Variants in IBA57 observed in about 807,000 individuals in gnomAD.
IBA57 encodes iron-sulfur cluster assembly factor IBA57.
IBA57 carries 20 observed loss-of-function variants against 20.4 expected under a neutral mutation model. That is an observed-to-expected ratio of 0.98 (90% CI 0.69 to 1.42). IBA57 has a LOEUF of 1.42. Among genes scored for constraint, IBA57 ranks in the 40% most tolerant of loss-of-function variants. IBA57 has a pLI of 0.00. For missense variants in IBA57, 608 were observed against 499.3 expected (o/e 1.22, Z -2.07); for synonymous variants, 310 against 233.9 (o/e 1.33, Z -2.97).
chr1:228,175,602 G>T lies in IBA57; in HGVS notation c.*89G>T. ...CAGGGTCTTCCCGTCCCATCTGTCT[G>T]CTGCGCCTACTGGGTGGGAGCCCTG... On this transcript the variant is annotated 3_prime_UTR_variant, in exon 3 of 3. Transcript: ENST00000366711. 2 of 1,448,788 alleles carry T rather than the reference G, an allele frequency of 1.4e-6. No individual in the cohort carries two copies. Among genetic ancestry groups the T allele is most frequent in the Non-Finnish European group, 1.8e-6 (2 of 1,092,890 alleles). The allele number at this position is 1,448,788 out of a possible 1,614,324, so 89.7% of individuals were successfully genotyped here.
rs569184047 is a variant in IBA57, at chr1:228,174,606, C to T, written c.342-86C>T. 20 of 1,288,628 alleles carry T rather than the reference C, an allele frequency of 1.6e-5. No individual in the cohort carries two copies. The African/African-American group carries it at 2.7e-4, about 17-fold the overall frequency. 79.8% of individuals were successfully genotyped at this position (1,288,628 alleles called of 1,614,324 possible). ...CGTTGGTCCACGGTGTGCTCCTCTG[C>T]CCGGGTAAGGCGCGCTCCCTCATGC... On this transcript the variant is annotated intron_variant, in intron 1 of 2. Transcript: ENST00000366711.
In IBA57 at chr1:228,173,899, C is replaced by T. The variant is rs547135934; in HGVS notation, c.342-793C>T. ...CTGTCTGCGCTGGCCCCTGTGAGCT[C>T]GTCTTTGCCTGCTTAGACGAGAGCT... On this transcript the variant is annotated intron_variant, in intron 1 of 2. Coordinates refer to ENST00000366711, the MANE Select transcript of IBA57 (RefSeq NM_001010867.4). Among the ~76,000 whole-genome samples the T allele has an allele frequency of 5.9e-5, 9 of 152,366 alleles. No individual in the cohort carries two copies. The East Asian group carries it at 9.6e-4, about 16-fold the overall frequency.
intron 1 of IBA57, among the ~76,000 whole-genome samples, chr1:228,168,977 C>T (rs2034889536): frequency 6.6e-6 from 1 of 152,160 alleles, no homozygotes; most frequent in Admixed American, 6.5e-5. Context: ...TTGAGTGTCT[C>T]CCCAGGGGTG....
chr1:228,175,752 A>G lies in IBA57; in HGVS notation c.*239A>G, dbSNP rs970891131. 4.4e-6 allele frequency: 2 copies of G among 451,346 alleles called. No homozygotes were observed. Among genetic ancestry groups the G allele is most frequent in the South Asian group, 4.3e-5 (1 of 23,354 alleles). 28.0% of individuals were successfully genotyped at this position (451,346 alleles called of 1,614,324 possible). A position where few individuals can be genotyped will look rare whatever the true frequency, so the allele number is the denominator to read the frequency against. On this transcript the variant is annotated 3_prime_UTR_variant, in exon 3 of 3. Transcript: ENST00000366711. The stretch of plus-strand genomic sequence containing the variant: ...TGGCCCCAGAGGAGCCCACCGTGTG[A>G]GTGCTGGGCTCCAGATGGCGCCGGG...
chr1:228,171,360 G>A (rs1157212660), intron 1 of IBA57: 1 of 152,272 alleles, frequency 6.6e-6, no homozygotes, highest in Non-Finnish European at 1.5e-5. Context: ...GTGTGGCAGG[G>A]GTTGGGGTGG....
At chr1:228,172,104 ACTT>A (rs1354642427) in intron 1 of IBA57, 1 of 143,480 alleles carries the variant, frequency 7.0e-6, no homozygotes, top group East Asian at 2.0e-4. Context: ...TTGTTTTTTC[ACTT>A]CTTATTTTGA....
intron 1 of IBA57, chr1:228,172,209 T>G (rs2034939501): frequency 6.6e-6 from 1 of 152,048 alleles, no homozygotes; most frequent in African/African-American, 2.4e-5. Flanking sequence ...TTCCCCTGAT[T>G]GCACACACAG....
Position 228,176,109 on chromosome 1 carries a change from G to C in IBA57, c.*596G>C, listed in dbSNP as rs2035014454. 6.6e-6 allele frequency: 1 copy of C among 152,658 alleles called. No individual in the cohort carries two copies. Among genetic ancestry groups the C allele is most frequent in the Non-Finnish European group, 1.5e-5 (1 of 68,416 alleles). 9.5% of individuals were successfully genotyped at this position (152,658 alleles called of 1,614,324 possible). A position where few individuals can be genotyped will look rare whatever the true frequency, so the allele number is the denominator to read the frequency against. Reference sequence around the variant, plus strand: ...ACTAGGTATCCCATGCTGGAGGCTTGTGGAAGGCTGTGCCCATCTCCCATG... The same window carrying C: ...ACTAGGTATCCCATGCTGGAGGCTTCTGGAAGGCTGTGCCCATCTCCCATG... On this transcript the variant is annotated 3_prime_UTR_variant, in exon 3 of 3. Transcript: ENST00000366711.
chr1:228,167,034 A>G (rs1196646947), intron 1 of IBA57, among the ~76,000 whole-genome samples: 1 of 152,138 alleles, frequency 6.6e-6, no homozygotes, highest in Non-Finnish European at 1.5e-5. Context: ...CTAGCTTGGA[A>G]ATTGTCACCG....
Position 228,175,140 on chromosome 1 carries a change from G to A in IBA57, c.698G>A (p.Arg233Gln), listed in dbSNP as rs780590888. 2 of 1,612,592 alleles carry A rather than the reference G, an allele frequency of 1.2e-6. No homozygotes were observed. The highest frequency in any genetic ancestry group is 1.1e-5 in the South Asian group (1 of 91,068). ...CCTGCAGGCGTTCCTGAGGGGGTCC[G>A]AGACTTGCCTCCTGGGGTGGCCCTG... ...RYLQGVPEGVRDLPPGVALPL... is the reference protein window; with the variant it reads ...RYLQGVPEGVQDLPPGVALPL... The change falls in exon 3 of 3, where the codon CGA (arginine) becomes CAA (glutamine). Residue 233 changes from arginine (R) to glutamine (Q), a missense_variant. Arg to Gln is a conservative substitution (Grantham distance 43). Transcript: ENST00000366711.
In IBA57 at chr1:228,166,489, A is replaced by G. The variant is rs1247336427; in HGVS notation, c.341+332A>G. ...GGGGAGGCCTGGGGGCCAGCCCACC[A>G]TATCAGAGCAGAGGCGTCTCTAGGT... On this transcript the variant is annotated intron_variant, in intron 1 of 2. Transcript: ENST00000366711. Among the ~76,000 whole-genome samples, 3 of 152,140 alleles carry G rather than the reference A, an allele frequency of 2.0e-5. No individual in the cohort carries two copies. The East Asian group carries it at 5.8e-4, about 29-fold the overall frequency.
chr1:228,166,434 A>G (rs1404058549), intron 1 of IBA57, among the ~76,000 whole-genome samples: 1 of 152,156 alleles, frequency 6.6e-6, no homozygotes. Flanking sequence ...GCTTGGCTCA[A>G]CACCCAGGGA....
intron 1 of IBA57, among the ~76,000 whole-genome samples, chr1:228,167,439 C>T (rs1004767541): frequency 6.6e-6 from 1 of 151,346 alleles, no homozygotes; most frequent in Non-Finnish European, 1.5e-5. Flanking sequence ...TCATTGCAAC[C>T]TCTGCCTCCA....
In IBA57 at chr1:228,175,015, A is replaced by G; in HGVS notation, c.665A>G (p.His222Arg). 1 of 1,552,502 alleles carries G rather than the reference A, an allele frequency of 6.4e-7. No individual in the cohort carries two copies. The highest frequency in any genetic ancestry group is 8.7e-7 in the Non-Finnish European group (1 of 1,146,368). Residue 222 changes from histidine (H) to arginine (R), a missense_variant, in exon 2 of 3, where the codon CAC (histidine) becomes CGC (arginine). Coordinates refer to ENST00000366711, the MANE Select transcript of IBA57 (RefSeq NM_001010867.4). ...RLGDLWDYHQ[H>R]RYLQGVPEGV... ...GGGGACTTGTGGGATTATCACCAGC[A>G]CCGATACCTGCAAGGTATGGGTGGG...
intron 1 of IBA57, among the ~76,000 whole-genome samples, chr1:228,169,693 A>C (rs2034898378): frequency 6.6e-6 from 1 of 152,128 alleles, no homozygotes; most frequent in South Asian, 2.1e-4. Context: ...TGCCCTGCCC[A>C]TCCATCCATC....
In IBA57 at chr1:228,166,087, G is replaced by A; in HGVS notation, c.271G>A (p.Ala91Thr). The A allele has an allele frequency of 6.5e-7, 1 of 1,538,344 alleles. No homozygotes were observed. The change falls in exon 1 of 3, where the codon GCT becomes ACT. Residue 91 changes from alanine (A) to threonine (T), a missense_variant. By Grantham distance (58) the Ala-to-Thr change is moderately conservative. Coordinates refer to ENST00000366711, the MANE Select transcript of IBA57 (RefSeq NM_001010867.4). ...TCCTGCGGCCGCGGGGGCCCCGCCTGCTGCGCGCGCGGGCTACGCCCACTT... is the reference window on the plus strand; with the variant it reads ...TCCTGCGGCCGCGGGGGCCCCGCCTACTGCGCGCGCGGGCTACGCCCACTT... Reference protein sequence around the residue: ...PSPAAAGAPPAARAGYAHFLN... With the variant: ...PSPAAAGAPPTARAGYAHFLN...
At chr1:228,166,744 A>C (rs927194598) in intron 1 of IBA57, among the ~76,000 whole-genome samples, 1 of 152,326 alleles carries the variant, frequency 6.6e-6, no homozygotes, top group South Asian at 2.1e-4. Flanking sequence ...ATGCCGGGTC[A>C]GGGCCTTGAC....
chr1:228,174,677 C>T lies in IBA57; in HGVS notation c.342-15C>T, dbSNP rs552805022. The T allele has an allele frequency of 1.1e-5, 17 of 1,523,978 alleles. No individual in the cohort carries two copies. The South Asian group carries it at 1.2e-4, about 11-fold the overall frequency. 94.4% of individuals were successfully genotyped at this position (1,523,978 alleles called of 1,614,324 possible). The stretch of plus-strand genomic sequence containing the variant: ...GTTGGTGAGCTGCCATGCGCCCCTG[C>T]CTCTCTCCCTGCAGGCTCCAGGAAC... On this transcript the variant is annotated splice_polypyrimidine_tract_variant and intron_variant, in intron 1 of 2. Coordinates refer to ENST00000366711, the MANE Select transcript of IBA57 (RefSeq NM_001010867.4).
Position 228,170,059 on chromosome 1 carries a change from C to T in IBA57, c.341+3902C>T, listed in dbSNP as rs989204410. On this transcript the variant is annotated intron_variant, in intron 1 of 2. Coordinates refer to ENST00000366711, the MANE Select transcript of IBA57 (RefSeq NM_001010867.4). This position sits in a 1 kb window ranked among gnomAD's most constrained non-coding sequence, Gnocchi z 4.8. ...TTTTTGTATCTTTTTTTAGTAGAGA[C>T]GGGGTTTCACCATGTTGGTCAGGCT... Among the ~76,000 whole-genome samples the T allele has an allele frequency of 2.6e-5, 4 of 152,062 alleles. No homozygotes were observed. Among genetic ancestry groups the T allele is most frequent in the Non-Finnish European group, 4.4e-5 (3 of 68,024 alleles).
Sources: gnomAD v4.1 joint callset for allele counts (sites outside exome capture counted in the v4.1 genomes callset) on GRCh38, gnomAD v4.1.1 for gene constraint, Gnocchi (gnomAD v3.1) non-coding constraint, MANE v1.5 for transcripts, NCBI Gene and HGNC (gene_info 2026-07-23, HGNC 2026-07-21) for gene names.